SLC43A1: variants seen among roughly 807,000 people sequenced by gnomAD.
SLC43A1 encodes solute carrier family 43 member 1, also known as large neutral amino acids transporter small subunit 3.
SLC43A1 carries 31 observed loss-of-function variants against 59.5 expected under a neutral mutation model. That is an observed-to-expected ratio of 0.52 (90% CI 0.39 to 0.70). The LOEUF (loss-of-function observed/expected upper bound fraction) is 0.70. Ranked by LOEUF, SLC43A1 falls within the 30% of genes least tolerant of loss-of-function variation. SLC43A1 has a pLI of 0.00. For synonymous variants in SLC43A1, 259 were observed against 290.9 expected, an observed-to-expected ratio of 0.89 and a Z score of 1.12; for missense variants, 598 against 717.8, an observed-to-expected ratio of 0.83 and a Z score of 1.91.
In SLC43A1 at chr11:57,512,452, C is replaced by T. The variant is rs1039251585; in HGVS notation, c.154+1506G>A. Among the ~76,000 whole-genome samples the T allele has an allele frequency of 4.6e-5, 7 of 151,656 alleles. No individual in the cohort carries two copies. The East Asian group carries it at 9.7e-4, about 21-fold the overall frequency. On this transcript the variant is annotated intron_variant, in intron 2 of 14. Transcript: ENST00000278426. The stretch of plus-strand genomic sequence containing the variant: ...ACTAAAAATACAAAAATTAGCCAGA[C>T]GTGCTCGCGTGAACCCAGGGGGAGA...
Position 57,514,077 on chromosome 11 carries a change from C to A in SLC43A1, c.35G>T (p.Arg12Leu). 1 of 1,603,838 alleles carries A rather than the reference C, an allele frequency of 6.2e-7. No homozygotes were observed. The highest frequency in any genetic ancestry group is 1.1e-5 in the South Asian group (1 of 89,214). The stretch of plus-strand genomic sequence containing the variant: ...CACAGCCGTGCAGGCCATCCACCAG[C>A]GCCTCCGGTACGCCTGTTGCAGCGT... ...APTLQQAYRR[R>L]WWMACTAVLE... Residue 12 changes from arginine (R) to leucine (L), a missense_variant, in exon 2 of 15, where the codon CGC (arginine) becomes CTC (leucine). Transcript: ENST00000278426. The surrounding 1 kb of genome is among the most constrained non-coding windows in gnomAD (Gnocchi z 5.5).
chr11:57,494,290 C>T (rs1944014862), intron 7 of SLC43A1, 119 bp from the exon 8 acceptor site: 4 of 883,358 alleles, frequency 4.5e-6, no homozygotes, highest in Non-Finnish European at 6.8e-6. Flanking sequence ...CATTGACATG[C>T]TCACAAGCTC....
intron 8 of SLC43A1, 29 bp from the exon 9 acceptor site, chr11:57,491,891 G>A (rs760292206): frequency 1.2e-6 from 2 of 1,609,270 alleles, no homozygotes; most frequent in Non-Finnish European, 1.7e-6. Context: ...GCGCCCCTGA[G>A]CCCCAGACCT....
At chr11:57,513,306 A>G (rs1944600111) in intron 2 of SLC43A1, among the ~76,000 whole-genome samples, 1 of 152,174 alleles carries the variant, frequency 6.6e-6, no homozygotes. Flanking sequence ...CCTTCCCAGA[A>G]TAGGAAGATA....
rs946336823 is a variant in SLC43A1 at position 57,514,042 on chromosome 11, G to C, written c.70C>G (p.Leu24Val). 1.2e-6 allele frequency: 2 copies of C among 1,609,208 alleles called. No homozygotes were observed. Among genetic ancestry groups the C allele is most frequent in the South Asian group, 1.1e-5 (1 of 89,946 alleles). Residue 24 changes from leucine (L) to valine (V), a missense_variant, in exon 2 of 15, where the codon CTC becomes GTC. Coordinates refer to ENST00000278426, the MANE Select transcript of SLC43A1 (RefSeq NM_003627.6). The surrounding 1 kb of genome is among the most constrained non-coding windows in gnomAD (Gnocchi z 5.5). ...WMACTAVLEN[L>V]FFSAVLLGWG... ...CCCAGGAGTACAGCAGAGAAGAAGAGGTTCTCCAGCACAGCCGTGCAGGCC... is the reference window on the plus strand; with the variant it reads ...CCCAGGAGTACAGCAGAGAAGAAGACGTTCTCCAGCACAGCCGTGCAGGCC...
intron 5 of SLC43A1, among the ~76,000 whole-genome samples, chr11:57,498,424 G>C (rs1267674678): frequency 6.6e-6 from 1 of 152,134 alleles, no homozygotes; most frequent in South Asian, 2.1e-4. Flanking sequence ...CTGGGTGACA[G>C]AGCGAGACTA....
At chr11:57,490,063 A>T (rs930582785) in intron 11 of SLC43A1, among the ~76,000 whole-genome samples, 4 of 152,166 alleles carry the variant, frequency 2.6e-5, no homozygotes, top group Admixed American at 1.3e-4. Flanking sequence ...GCAGGGAGGG[A>T]GGCCACTGGA....
chr11:57,496,274 T>C (rs980344397), intron 6 of SLC43A1, 110 bp from the exon 7 acceptor site: 54 of 1,263,716 alleles, frequency 4.3e-5, no homozygotes, highest in Non-Finnish European at 5.8e-5. Context: ...CCCCTTGTCC[T>C]TGTGCCCAAT....
rs547408390 is a variant in SLC43A1 at position 57,485,318 on chromosome 11, G to A, written c.1534-76C>T. The A allele has an allele frequency of 4.9e-5, 70 of 1,440,370 alleles. 1 individual carries two copies. In the African/African-American group the frequency reaches 6.0e-4, roughly 12 times the overall value. 89.2% of individuals were successfully genotyped at this position (1,440,370 alleles called of 1,614,324 possible). On this transcript the variant is annotated intron_variant, in intron 14 of 14. Coordinates refer to ENST00000278426, the MANE Select transcript of SLC43A1 (RefSeq NM_003627.6). ...TAGCCTCCCACAGGGAGGAGAAGGC[G>A]GCCATTTTTCTCCAGGTCCTGAGCC...
At chr11:57,499,542 G>C (rs1414484759) in intron 5 of SLC43A1, 1 of 152,258 alleles carries the variant, frequency 6.6e-6, no homozygotes, top group Non-Finnish European at 1.5e-5. Context: ...AACGCTGTCT[G>C]CGCCCAGTAC....
chr11:57,489,083 C>G, intron 12 of SLC43A1, 94 bp from the exon 13 acceptor site: 1 of 1,444,410 alleles, frequency 6.9e-7, no homozygotes, highest in Non-Finnish European at 9.7e-7. Context: ...GGCCTCAATT[C>G]CCACCCCCTC....
chr11:57,506,354 A>G (rs1313961222), intron 2 of SLC43A1, among the ~76,000 whole-genome samples: 1 of 152,072 alleles, frequency 6.6e-6, no homozygotes, highest in East Asian at 1.9e-4. Flanking sequence ...TCAAAAAATA[A>G]TAGTAAGTAA....
rs1318405352 is a variant in SLC43A1 at position 57,489,389 on chromosome 11, GTCCCTGAGGAGTACGGGAAGTCAC to G, written c.1194-21_1196del. 4 of 1,614,020 alleles carry G rather than the reference GTCCCTGAGGAGTACGGGAAGTCAC, an allele frequency of 2.5e-6. No homozygotes were observed. Among genetic ancestry groups the G allele is most frequent in the Non-Finnish European group, 3.4e-6 (4 of 1,180,022 alleles). On this transcript the variant is annotated splice_acceptor_variant and splice_polypyrimidine_tract_variant and coding_sequence_variant and intron_variant, in exon 12 of 15. Coordinates refer to ENST00000278426, the MANE Select transcript of SLC43A1 (RefSeq NM_003627.6). LOFTEE classifies it high-confidence loss of function. Reference sequence around the variant, plus strand: ...GTCTGATGGATTTGGTAGCAACCCCGTCCCTGAGGAGTACGGGAAGTCACTGGCTGCTGCCTCTACGTTCCCAGG... The same window carrying G: ...GTCTGATGGATTTGGTAGCAACCCCGTGGCTGCTGCCTCTACGTTCCCAGG...
intron 14 of SLC43A1, 147 bp downstream of exon 14, chr11:57,486,948 A>G: frequency 1.3e-6 from 1 of 765,574 alleles, no homozygotes; most frequent in Non-Finnish European, 2.1e-6. Flanking sequence ...AGGGGTTCTA[A>G]AAGGCAGACA....
At chr11:57,486,877 C>T (rs116448033) in intron 14 of SLC43A1, among the ~76,000 whole-genome samples, 1,883 of 152,184 alleles carry the variant, frequency 0.012, 40 homozygotes, top group African/African-American at 0.043. Context: ...CAGACTCCTA[C>T]AGTCAGGCTG....
At chr11:57,488,834 C>T in intron 13 of SLC43A1, 82 bp downstream of exon 13, 1 of 1,204,960 alleles carries the variant, frequency 8.3e-7, no homozygotes. Flanking sequence ...TAGGGGATGC[C>T]TGGGGCCCTC....
chr11:57,497,083 T>A (rs1409316294), intron 6 of SLC43A1, among the ~76,000 whole-genome samples: 2 of 151,932 alleles, frequency 1.3e-5, no homozygotes, highest in African/African-American at 2.4e-5. Context: ...ACCCATGCGC[T>A]CTCTCAAACT....
intron 13 of SLC43A1, 148 bp from the exon 14 acceptor site, chr11:57,487,366 C>G (rs1943771296): frequency 8.9e-6 from 9 of 1,008,220 alleles, no homozygotes; most frequent in Non-Finnish European, 1.3e-5. Flanking sequence ...CTTTGGTCCC[C>G]AGCCTTGAGG....
chr11:57,502,163 C>T (rs1944284318), intron 2 of SLC43A1, among the ~76,000 whole-genome samples: 1 of 152,210 alleles, frequency 6.6e-6, no homozygotes. Flanking sequence ...GGCTGCTTCG[C>T]TTTACTCAAT....
Sources: gnomAD v4.1 joint callset for allele counts (sites outside exome capture counted in the v4.1 genomes callset) on GRCh38, gnomAD v4.1.1 for gene constraint, Gnocchi (gnomAD v3.1) non-coding constraint, MANE v1.5 for transcripts, NCBI Gene and HGNC (gene_info 2026-07-23, HGNC 2026-07-21) for gene names.